The following RARS1 variants were observed in gnomAD, a reference collection of about 807,000 sequenced individuals.
RARS1 encodes arginine--tRNA ligase, cytoplasmic.
A neutral mutation model predicts 78.7 loss-of-function variants in RARS1; 75 were observed. The observed-to-expected ratio is 0.95, with a 90% CI of 0.79 to 1.15. The LOEUF (loss-of-function observed/expected upper bound fraction) is 1.15. RARS1 is among the 50% of genes most tolerant of loss of function. The pLI, the probability that RARS1 is intolerant of heterozygous loss-of-function variation, is 0.00. For missense variants in RARS1, 787 were observed against 787.5 expected (o/e 1.00, Z 0.01); for synonymous variants, 273 against 268.2 (o/e 1.02, Z -0.18).
Position 168,519,234 on chromosome 5 carries a change from AT to A in RARS1, c.*46del. 6.8e-7 allele frequency: 1 copy of A among 1,470,954 alleles called. No individual in the cohort carries two copies. Among genetic ancestry groups the A allele is most frequent in the Non-Finnish European group, 9.4e-7 (1 of 1,058,672 alleles). 91.1% of individuals were successfully genotyped at this position (1,470,954 alleles called of 1,614,324 possible). ...ACTGTGTGTTTTTACCAAAGTGGCC[AT>A]TGGCACTGTTTGCTTTTTTACAATC... On this transcript the variant is annotated 3_prime_UTR_variant, in exon 15 of 15. Transcript: ENST00000231572.
At chr5:168,508,551 C>T (rs1758496022) in intron 11 of RARS1, among the ~76,000 whole-genome samples, 2 of 133,020 alleles carry the variant, frequency 1.5e-5, no homozygotes, top group African/African-American at 2.9e-5. Flanking sequence ...ACCCGGGAGG[C>T]GGAGCTTGCA....
chr5:168,492,863 G>T lies in RARS1; in HGVS notation c.369+16G>T. On this transcript the variant is annotated intron_variant, in intron 3 of 14. Coordinates refer to ENST00000231572, the MANE Select transcript of RARS1 (RefSeq NM_002887.4). ...TATTTCTCAGGTGATGTATTGTCAT[G>T]ACTCTTGGCTGTTTGATTTTTTTAA... 6.4e-7 allele frequency: 1 copy of T among 1,555,918 alleles called. No homozygotes were observed. Among genetic ancestry groups the T allele is most frequent in the South Asian group, 1.1e-5 (1 of 87,224 alleles).
rs576400052 is a variant in RARS1 at position 168,492,087 on chromosome 5, G to C, written c.181-572G>C. The stretch of plus-strand genomic sequence containing the variant: ...TGGTAGAGACAGATAGTTTTGTGAG[G>C]GTATGATAAGTGCAGTAATAGAGAT... On this transcript the variant is annotated intron_variant, in intron 2 of 14. Coordinates refer to ENST00000231572, the MANE Select transcript of RARS1 (RefSeq NM_002887.4). Among the ~76,000 whole-genome samples, 11 of 151,558 alleles carry C rather than the reference G, an allele frequency of 7.3e-5. No homozygotes were observed. In the South Asian group the frequency reaches 2.3e-3, roughly 32 times the overall value.
chr5:168,505,636 G>A (rs1758426854), intron 9 of RARS1, among the ~76,000 whole-genome samples: 1 of 151,730 alleles, frequency 6.6e-6, no homozygotes, highest in African/African-American at 2.4e-5. Flanking sequence ...TACTTGGGGA[G>A]GCCCAGACAG....
At chr5:168,490,104 G>A (rs779038111) in intron 2 of RARS1, among the ~76,000 whole-genome samples, 12 of 152,144 alleles carry the variant, frequency 7.9e-5, no homozygotes, top group Non-Finnish European at 1.2e-4. Flanking sequence ...GTGAGCCACC[G>A]TGCCCGGTGT....
chr5:168,493,781 C>A (rs2152903799), intron 3 of RARS1, 113 bp from the exon 4 acceptor site: 1 of 755,014 alleles, frequency 1.3e-6, no homozygotes, highest in East Asian at 2.7e-5. Flanking sequence ...TTCTCTGCTT[C>A]TGCCTTTTGA....
chr5:168,486,522 C>T lies in RARS1; in HGVS notation c.24C>T (p.Cys8=), dbSNP rs188021334. The change falls in exon 1 of 15, where the codon TGC becomes TGT. Residue 8 remains cysteine (C), a synonymous_variant. Transcript: ENST00000231572. MDVLVSE[C]SARLLQQEEE... The stretch of plus-strand genomic sequence containing the variant: ...GGATGGACGTACTGGTGTCTGAGTG[C>T]TCCGCGCGGCTGCTGCAGCAGGTTT... 1.2e-5 allele frequency: 19 copies of T among 1,558,982 alleles called. No homozygotes were observed. In the East Asian group the frequency reaches 1.9e-4, roughly 16 times the overall value.
rs139159139 is a variant in RARS1, at chr5:168,486,693, G to A, written c.45+150G>A. Reference sequence around the variant, plus strand: ...GCACGGTCCCTGTGGGAACAGGAAGGGTTGAGAGAGGAAGCACCCATCATT... The same window carrying A: ...GCACGGTCCCTGTGGGAACAGGAAGAGTTGAGAGAGGAAGCACCCATCATT... On this transcript the variant is annotated intron_variant, in intron 1 of 14. Coordinates refer to ENST00000231572, the MANE Select transcript of RARS1 (RefSeq NM_002887.4). 26 of 809,308 alleles carry A rather than the reference G, an allele frequency of 3.2e-5. No homozygotes were observed. In the African/African-American group the frequency reaches 3.9e-4, roughly 12 times the overall value. The allele number at this position is 809,308 out of a possible 1,614,324, so 50.1% of individuals were successfully genotyped here. A position where few individuals can be genotyped will look rare whatever the true frequency, so the allele number is the denominator to read the frequency against.
At chr5:168,488,289 A>G in intron 1 of RARS1, 1 of 331,796 alleles carries the variant, frequency 3.0e-6, no homozygotes, top group South Asian at 2.4e-5. Flanking sequence ...CACCATGCCT[A>G]GCTAATTTTT....
At chr5:168,512,754 C>G (rs986500484) in intron 12 of RARS1, among the ~76,000 whole-genome samples, 1 of 152,150 alleles carries the variant, frequency 6.6e-6, no homozygotes, top group African/African-American at 2.4e-5. Flanking sequence ...TATTCACTGG[C>G]AGCTGATTAG....
At chr5:168,506,859 A>T (rs746115659) in intron 11 of RARS1, 28 bp downstream of exon 11, 1 of 1,509,522 alleles carries the variant, frequency 6.6e-7, no homozygotes, top group Non-Finnish European at 9.2e-7. Context: ...GAAGATGGTA[A>T]TGATATACTT....
In RARS1 at chr5:168,495,456, G is replaced by A. The variant is rs141824927; in HGVS notation, c.701+20G>A. 4.6e-3 allele frequency: 7,371 copies of A among 1,599,784 alleles called. 22 individuals are homozygous for A. The highest frequency in any genetic ancestry group is 5.6e-3 in the Non-Finnish European group (6,502 of 1,170,884). ...GCTCAGGTATGTGCTCTTGCCTTGC[G>A]TACTATTCTCTTTCCTTATTTTCTT... On this transcript the variant is annotated intron_variant, in intron 6 of 14. Coordinates refer to ENST00000231572, the MANE Select transcript of RARS1 (RefSeq NM_002887.4).
At position 168,506,941 on chromosome 5, in the gene RARS1, A is replaced by G. The variant is rs904477916; in HGVS notation, c.1346+110A>G. 23 of 847,980 alleles carry G rather than the reference A, an allele frequency of 2.7e-5. No individual in the cohort carries two copies. Among genetic ancestry groups the G allele is most frequent in the African/African-American group, 5.1e-5 (3 of 58,722 alleles). The allele number at this position is 847,980 out of a possible 1,614,324, so 52.5% of individuals were successfully genotyped here. On this transcript the variant is annotated intron_variant, in intron 11 of 14. Transcript: ENST00000231572. ...AAGTCCACAGTTTCCTTTAGTCCAC[A>G]TAAGCTATAATGGTGTAAACCCAGC...
intron 11 of RARS1, among the ~76,000 whole-genome samples, chr5:168,507,132 G>T (rs1270666019): frequency 1.3e-5 from 2 of 152,290 alleles, no homozygotes; most frequent in South Asian, 2.1e-4. Flanking sequence ...TACCTGCTCA[G>T]ATTTCAGACA....
chr5:168,488,461 C>T, intron 1 of RARS1, 141 bp from the exon 2 acceptor site: 1 of 973,884 alleles, frequency 1.0e-6, no homozygotes. Flanking sequence ...ATGCTAACGT[C>T]AGCAAAAATC....
intron 12 of RARS1, among the ~76,000 whole-genome samples, chr5:168,516,448 CATAGTATGAAGTGG>C (rs1758667928): frequency 6.6e-6 from 1 of 152,120 alleles, no homozygotes; most frequent in African/African-American, 2.4e-5. Flanking sequence ...TCACAATGTT[CATAGTATGAAGTGG>C]ATATAAACTA....
chr5:168,516,341 TTCTTTTATCTAC>T (rs1218420759), intron 12 of RARS1, among the ~76,000 whole-genome samples: 1 of 152,172 alleles, frequency 6.6e-6, no homozygotes. Context: ...AGTGAATGGG[TTCTTTTATCTAC>T]TCTTAATACA....
intron 2 of RARS1, among the ~76,000 whole-genome samples, chr5:168,491,127 A>G (rs1758073184): frequency 6.6e-6 from 1 of 152,144 alleles, no homozygotes; most frequent in African/African-American, 2.4e-5. Flanking sequence ...ACAGAGCAAG[A>G]CCCGGTCCCA....
rs531077528 is a variant in RARS1, at chr5:168,517,744, A to G, written c.1626-71A>G. On this transcript the variant is annotated intron_variant, in intron 13 of 14. Transcript: ENST00000231572. ...TTCTTTTTAATCGGTGATAATTTCGAGTGGAGAATGAGTGTGCCTAAAAAA... is the reference window on the plus strand; with the variant it reads ...TTCTTTTTAATCGGTGATAATTTCGGGTGGAGAATGAGTGTGCCTAAAAAA... 94 of 1,109,450 alleles carry G rather than the reference A, an allele frequency of 8.5e-5. No individual in the cohort carries two copies. In the Middle Eastern group the frequency reaches 1.2e-3, roughly 14 times the overall value. The allele number at this position is 1,109,450 out of a possible 1,614,324, so 68.7% of individuals were successfully genotyped here.
Sources: gnomAD v4.1 joint callset for allele counts (sites outside exome capture counted in the v4.1 genomes callset) on GRCh38, gnomAD v4.1.1 for gene constraint, MANE v1.5 for transcripts, NCBI Gene and HGNC (gene_info 2026-07-23, HGNC 2026-07-21) for gene names.